Variants in FGF14 observed in about 807,000 individuals in gnomAD.
FGF14 encodes fibroblast growth factor 14.
Under a neutral mutation model 25.5 loss-of-function variants are expected in FGF14, and 5 were observed. The ratio of observed to expected loss-of-function variants is 0.20; its 90% CI spans 0.10 to 0.41. FGF14 has a LOEUF of 0.41. FGF14 is among the 10% of genes least tolerant of loss of function. The pLI is 1.00. For missense variants in FGF14, 222 were observed against 320.1 expected (o/e 0.69, Z 2.34); for synonymous variants, 138 against 118.3 (o/e 1.17, Z -1.08).
At chr13:101,790,995 G>A (rs1351344180) in intron 3 of FGF14, among the ~76,000 whole-genome samples, 2 of 152,194 alleles carry the variant, frequency 1.3e-5, no homozygotes, top group South Asian at 2.1e-4. Context: ...CTATCAATAA[G>A]TCAGATGAAG....
chr13:102,275,808 A>G (rs1220142987), intron 1 of FGF14, among the ~76,000 whole-genome samples: 3 of 152,156 alleles, frequency 2.0e-5, no homozygotes, highest in South Asian at 2.1e-4. Flanking sequence ...CTCCCTCTAC[A>G]ATCTTCCCAA....
chr13:102,124,776 T>C (rs1394731607), intron 1 of FGF14, among the ~76,000 whole-genome samples: 1 of 152,140 alleles, frequency 6.6e-6, no homozygotes, highest in Non-Finnish European at 1.5e-5. Context: ...CTATTTACTC[T>C]TGTTTCATCT....
At chr13:101,749,011 C>T (rs1399737455) in intron 3 of FGF14, among the ~76,000 whole-genome samples, 1 of 152,056 alleles carries the variant, frequency 6.6e-6, no homozygotes, top group Admixed American at 6.6e-5. Context: ...ATACATGTTA[C>T]ATGAATGAAC....
intron 1 of FGF14, among the ~76,000 whole-genome samples, chr13:102,257,411 G>A (rs529796029): frequency 7.5e-6 from 1 of 133,618 alleles, no homozygotes; most frequent in East Asian, 2.5e-4. Context: ...GAGCACAGTG[G>A]CATGATCTCG....
rs961963667 is a variant in FGF14 at position 102,189,842 on chromosome 13, A to G, written c.208+211629T>C. On this transcript the variant is annotated intron_variant, in intron 1 of 4. Transcript: ENST00000376131. ...GGAGGAGCCCACAGATCACATGGCA[A>G]GAGGGAGCAAGAGAGCAGGGAGGAG... 1.6e-4 allele frequency among the ~76,000 whole-genome samples: 25 copies of G among 152,126 alleles called. 1 individual carries two copies. Among genetic ancestry groups the G allele is most frequent in the Non-Finnish European group, 8.8e-5 (6 of 68,022 alleles).
chr13:102,015,482 A>G (rs1054988299), intron 1 of FGF14, among the ~76,000 whole-genome samples: 1 of 152,196 alleles, frequency 6.6e-6, no homozygotes, highest in Non-Finnish European at 1.5e-5. Flanking sequence ...TTATACATTA[A>G]TTTTTCTTAT....
chr13:101,829,309 G>C (rs2042558589), intron 3 of FGF14, among the ~76,000 whole-genome samples: 2 of 152,072 alleles, frequency 1.3e-5, no homozygotes, highest in South Asian at 4.1e-4. Context: ...TGTGAAATCA[G>C]TTCTGTGCAG....
chr13:101,748,395 T>C (rs2037034657), intron 3 of FGF14, among the ~76,000 whole-genome samples: 1 of 151,892 alleles, frequency 6.6e-6, no homozygotes, highest in Admixed American at 6.6e-5. Context: ...TAGAGCCAAA[T>C]ACCACATGTT....
intron 1 of FGF14, among the ~76,000 whole-genome samples, chr13:102,314,013 C>T (rs770435013): frequency 1.3e-5 from 2 of 152,176 alleles, no homozygotes; most frequent in African/African-American, 2.4e-5. Context: ...AGCACACAGA[C>T]GACCAAGATG....
chr13:102,345,607 T>C (rs2057082902), intron 1 of FGF14, among the ~76,000 whole-genome samples: 2 of 152,264 alleles, frequency 1.3e-5, no homozygotes, highest in African/African-American at 4.8e-5. Flanking sequence ...GGGTTGTTCT[T>C]TTCTAGAAGA....
chr13:102,206,389 A>G (rs1425606114), intron 1 of FGF14, among the ~76,000 whole-genome samples: 1 of 152,196 alleles, frequency 6.6e-6, no homozygotes, highest in Non-Finnish European at 1.5e-5. Flanking sequence ...TTAAAATTAT[A>G]TTAATATCAG....
At chr13:101,798,575 G>A (rs1213415162) in intron 3 of FGF14, among the ~76,000 whole-genome samples, 1 of 152,048 alleles carries the variant, frequency 6.6e-6, no homozygotes, top group Non-Finnish European at 1.5e-5. Flanking sequence ...TCTTTTGGTG[G>A]GTGGGGTTGG....
At chr13:102,377,017 G>A (rs768710546) in intron 1 of FGF14, among the ~76,000 whole-genome samples, 3 of 152,056 alleles carry the variant, frequency 2.0e-5, no homozygotes, top group Non-Finnish European at 2.9e-5. Context: ...GCTTATTGAC[G>A]GAGCAGAGAG....
intron 1 of FGF14, among the ~76,000 whole-genome samples, chr13:101,890,513 A>G (rs1415101666): frequency 1.3e-5 from 2 of 152,196 alleles, no homozygotes; most frequent in Non-Finnish European, 2.9e-5. Flanking sequence ...AGGTCATCCC[A>G]GAAAGGCAGA....
At chr13:102,292,350 T>C (rs978946314) in intron 1 of FGF14, 3 of 151,786 alleles carry the variant, frequency 2.0e-5, no homozygotes, top group African/African-American at 4.8e-5. Flanking sequence ...TTTAATGTAT[T>C]GTTATTCTTG....
At chr13:101,900,677 T>C (rs1053441817) in intron 1 of FGF14, among the ~76,000 whole-genome samples, 4 of 152,158 alleles carry the variant, frequency 2.6e-5, no homozygotes, top group Non-Finnish European at 5.9e-5. Flanking sequence ...TTAGTTTTCA[T>C]TGATTGGAAA....
Position 102,173,927 on chromosome 13 carries a change from A to G in FGF14, c.208+227544T>C, listed in dbSNP as rs1594276557. On this transcript the variant is annotated intron_variant, in intron 1 of 4. Transcript: ENST00000376131. ...ACCAATGCTATTCAGTATAGTACTG[A>G]AAGTCCTAGCCAGAGCAATCAGGCA... Among the ~76,000 whole-genome samples, 4 of 152,110 alleles carry G rather than the reference A, an allele frequency of 2.6e-5. No homozygotes were observed. The South Asian group carries it at 8.3e-4, about 32-fold the overall frequency.
intron 1 of FGF14, among the ~76,000 whole-genome samples, chr13:102,126,438 A>G (rs955646985): frequency 3.9e-5 from 6 of 152,222 alleles, no homozygotes; most frequent in African/African-American, 1.2e-4. Context: ...TTGTATGTAG[A>G]TACCACATTT....
At chr13:101,969,043 A>C (rs1462043441) in intron 1 of FGF14, among the ~76,000 whole-genome samples, 1 of 152,132 alleles carries the variant, frequency 6.6e-6, no homozygotes, top group African/African-American at 2.4e-5. Flanking sequence ...TCACTAGTTG[A>C]AAGAAACAAG....
Sources: allele counts gnomAD v4.1 joint callset (sites outside exome capture counted in the v4.1 genomes callset), GRCh38; gene constraint gnomAD v4.1.1; transcripts MANE v1.5; gene names NCBI Gene and HGNC (gene_info 2026-07-23, HGNC 2026-07-21).